Variants in ERBB4 observed in about 807,000 individuals in gnomAD.
ERBB4 encodes receptor tyrosine-protein kinase erbB-4.
In ERBB4, 42 loss-of-function variants were observed where a neutral mutation model predicts 158.0. That is an observed-to-expected ratio of 0.27 (90% CI 0.21 to 0.34). The LOEUF is 0.34. Among genes scored for constraint, ERBB4 ranks in the 10% least tolerant of loss-of-function variants. The pLI is 1.00. For missense variants in ERBB4, 1,333 were observed against 1,624.1 expected (o/e 0.82, Z 3.08); for synonymous variants, 583 against 558.7 (o/e 1.04, Z -0.61).
intron 12 of ERBB4, among the ~76,000 whole-genome samples, chr2:211,685,230 AT>A (rs1178624929): frequency 1.3e-5 from 2 of 152,076 alleles, no homozygotes; most frequent in African/African-American, 4.8e-5. Context: ...TGATTTCTCC[AT>A]TTTTTACCTC....
At position 212,378,546 on chromosome 2, in the gene ERBB4, G is replaced by C. The variant is rs535949480; in HGVS notation, c.82+159903C>G. ...CCATCTTCTGGGAAATCAGCCTTGA[G>C]AGAGTTATTTTCACCTAAAATTTGA... On this transcript the variant is annotated intron_variant, in intron 1 of 27. Transcript: ENST00000342788. Among the ~76,000 whole-genome samples the C allele has an allele frequency of 3.3e-5, 5 of 151,928 alleles. No homozygotes were observed. The South Asian group carries it at 1.0e-3, about 32-fold the overall frequency.
In ERBB4 at chr2:211,544,640, T is replaced by C. The variant is rs142216691; in HGVS notation, c.2487+17263A>G. Among the ~76,000 whole-genome samples the C allele has an allele frequency of 4.1e-3, 625 of 152,172 alleles. 3 individuals carry two copies. Among genetic ancestry groups the C allele is most frequent in the Admixed American group, 7.4e-3 (113 of 15,278 alleles). On this transcript the variant is annotated intron_variant, in intron 20 of 27. Transcript: ENST00000342788. ...AAATAATAATGATAGCAAAACGTTATTGAATGCTGATATACATCAGATACT... is the reference window on the plus strand; with the variant it reads ...AAATAATAATGATAGCAAAACGTTACTGAATGCTGATATACATCAGATACT...
chr2:212,511,206 A>G lies in ERBB4; in HGVS notation c.82+27243T>C, dbSNP rs755395421. 6.4e-4 allele frequency among the ~76,000 whole-genome samples: 98 copies of G among 152,276 alleles called. 1 individual carries two copies. The highest frequency in any genetic ancestry group is 1.3e-3 in the Non-Finnish European group (87 of 67,990). ...TAACTTTTTTGTCTTGTCTTACCTC[A>G]TTTTAGACCTTCGGCAAACAGAGTA... On this transcript the variant is annotated intron_variant, in intron 1 of 27. Coordinates refer to ENST00000342788, the MANE Select transcript of ERBB4 (RefSeq NM_005235.3).
chr2:211,583,339 T>C (rs752680928), intron 19 of ERBB4, among the ~76,000 whole-genome samples: 20 of 152,090 alleles, frequency 1.3e-4, no homozygotes, highest in Non-Finnish European at 2.1e-4. Flanking sequence ...TGTTATTTGG[T>C]ATTTTGAAAT....
chr2:211,656,244 T>C lies in ERBB4; in HGVS notation c.1946+1510A>G, dbSNP rs537787321. On this transcript the variant is annotated intron_variant, in intron 16 of 27. Coordinates refer to ENST00000342788, the MANE Select transcript of ERBB4 (RefSeq NM_005235.3). Reference sequence around the variant, plus strand: ...GTAAATGGCAACACAAATGTTTCATTTTTGGAAATTCACTGAGCTTTACAA... The same window carrying C: ...GTAAATGGCAACACAAATGTTTCATCTTTGGAAATTCACTGAGCTTTACAA... Among the ~76,000 whole-genome samples the C allele has an allele frequency of 4.6e-5, 7 of 152,330 alleles. No homozygotes were observed. In the South Asian group the frequency reaches 1.4e-3, roughly 32 times the overall value.
chr2:212,329,414 A>G (rs985583916), intron 1 of ERBB4, among the ~76,000 whole-genome samples: 6 of 152,214 alleles, frequency 3.9e-5, no homozygotes, highest in Admixed American at 2.6e-4. Flanking sequence ...GAAAAACAGT[A>G]TGATAAAGTA....
chr2:211,826,005 G>T (rs1450183682), intron 3 of ERBB4, among the ~76,000 whole-genome samples: 1 of 150,888 alleles, frequency 6.6e-6, no homozygotes, highest in African/African-American at 2.4e-5. Flanking sequence ...GGATATTAAT[G>T]GTCTACATAT....
chr2:212,032,093 T>A (rs1423087272), intron 2 of ERBB4, among the ~76,000 whole-genome samples: 1 of 152,122 alleles, frequency 6.6e-6, no homozygotes, highest in Non-Finnish European at 1.5e-5. Context: ...AGACCATTAA[T>A]GAAAGTGTAC....
chr2:211,503,262 C>A (rs369692389), intron 20 of ERBB4, among the ~76,000 whole-genome samples: 68 of 152,186 alleles, frequency 4.5e-4, no homozygotes, highest in African/African-American at 1.6e-3. Context: ...GGGCACCCAC[C>A]CTGCAAAATT....
chr2:211,998,390 A>T (rs7424635), intron 2 of ERBB4, among the ~76,000 whole-genome samples: 1 of 151,724 alleles, frequency 6.6e-6, no homozygotes, highest in African/African-American at 2.4e-5. Context: ...CTTTATGTAC[A>T]TTATCTTACT....
chr2:212,044,222 G>A (rs1229583507), intron 2 of ERBB4, among the ~76,000 whole-genome samples: 1 of 151,960 alleles, frequency 6.6e-6, no homozygotes, highest in Admixed American at 6.6e-5. Flanking sequence ...TTGGATTATA[G>A]TCGTTTAAAA....
chr2:211,698,308 G>A (rs547533769), intron 12 of ERBB4, among the ~76,000 whole-genome samples: 3 of 132,040 alleles, frequency 2.3e-5, no homozygotes, highest in South Asian at 2.4e-4. Flanking sequence ...GTGAGACTCC[G>A]TCTCAGAAAA....
chr2:212,135,021 G>A (rs968416995), intron 1 of ERBB4, among the ~76,000 whole-genome samples: 1 of 152,084 alleles, frequency 6.6e-6, no homozygotes, highest in African/African-American at 2.4e-5. Context: ...TGAGCCTAAT[G>A]AAAAGAACTT....
At chr2:212,187,851 G>A (rs2082061212) in intron 1 of ERBB4, among the ~76,000 whole-genome samples, 1 of 152,082 alleles carries the variant, frequency 6.6e-6, no homozygotes, top group South Asian at 2.1e-4. Context: ...GTGATGTTAT[G>A]AAATACAAGA....
intron 7 of ERBB4, among the ~76,000 whole-genome samples, chr2:211,715,842 A>G (rs114017561): frequency 0.024 from 3,648 of 152,260 alleles, 127 homozygotes; most frequent in African/African-American, 0.083. Context: ...TCAATTACCC[A>G]GTCTCAGGTA....
intron 1 of ERBB4, among the ~76,000 whole-genome samples, chr2:212,463,524 A>G (rs1688677707): frequency 6.6e-6 from 1 of 152,080 alleles, no homozygotes; most frequent in East Asian, 1.9e-4. Flanking sequence ...TAAACATTAA[A>G]ATTATTTCAT....
chr2:211,535,356 T>C (rs560664657), intron 20 of ERBB4, among the ~76,000 whole-genome samples: 3 of 152,132 alleles, frequency 2.0e-5, no homozygotes, highest in African/African-American at 7.2e-5. Context: ...TTTAATCTCT[T>C]TTCAACTACC....
At position 212,204,422 on chromosome 2, in the gene ERBB4, G is replaced by A. The variant is rs552605496; in HGVS notation, c.83-79519C>T. ...TAAAATATCAGTATTTGTGGGCCAG[G>A]CGCGGTGGCTCACATTTGTAATCCC... On this transcript the variant is annotated intron_variant, in intron 1 of 27. Coordinates refer to ENST00000342788, the MANE Select transcript of ERBB4 (RefSeq NM_005235.3). Among the ~76,000 whole-genome samples, 8 of 152,196 alleles carry A rather than the reference G, an allele frequency of 5.3e-5. No homozygotes were observed. In the South Asian group the frequency reaches 1.2e-3, roughly 24 times the overall value.
rs370724479 is a variant in ERBB4, at chr2:211,936,038, T to C, written c.421+11392A>G. On this transcript the variant is annotated intron_variant, in intron 3 of 27. Coordinates refer to ENST00000342788, the MANE Select transcript of ERBB4 (RefSeq NM_005235.3). ...AAAGCCTAAATGAATTCTAGTTATATGAATAATTTTTTAAAACTAGTAGAA... is the reference window on the plus strand; with the variant it reads ...AAAGCCTAAATGAATTCTAGTTATACGAATAATTTTTTAAAACTAGTAGAA... 2.0e-3 allele frequency among the ~76,000 whole-genome samples: 306 copies of C among 152,308 alleles called. 4 individuals are homozygous for C. The South Asian group carries it at 0.025, about 12-fold the overall frequency.
Sources: gnomAD v4.1 joint callset for allele counts (sites outside exome capture counted in the v4.1 genomes callset) on GRCh38, gnomAD v4.1.1 for gene constraint, MANE v1.5 for transcripts, NCBI Gene and HGNC (gene_info 2026-07-23, HGNC 2026-07-21) for gene names.